Variants in SYT1 observed in about 807,000 individuals in gnomAD.
SYT1 encodes synaptotagmin 1.
SYT1 carries 8 observed loss-of-function variants against 44.8 expected under a neutral mutation model. That is an observed-to-expected ratio of 0.18 (90% confidence interval 0.10 to 0.32). The LOEUF (loss-of-function observed/expected upper bound fraction) is 0.32, where lower values mean the gene tolerates loss of function less well. Ranked by LOEUF, SYT1 falls within the 10% of genes least tolerant of loss-of-function variation. SYT1 has a pLI of 1.00. For missense variants in SYT1, 286 were observed against 509.3 expected (o/e 0.56, Z 4.22); for synonymous variants, 154 against 188.8 (o/e 0.82, Z 1.51).
chr12:78,926,407 G>T (rs969800360), intron 1 of SYT1, among the ~76,000 whole-genome samples: 3 of 152,000 alleles, frequency 2.0e-5, no homozygotes, highest in African/African-American at 7.2e-5. Flanking sequence ...CAGTAAATAT[G>T]TCAGAGAACA....
At position 79,352,562 on chromosome 12, in the gene SYT1, ACTCT is replaced by A. The variant is rs948499457; in HGVS notation, c.811-935_811-932del. On this transcript the variant is annotated intron_variant, in intron 8 of 10. Transcript: ENST00000261205. ...GCATACAACAAACTCTCTCTCTTGC[ACTCT>A]CTCTATCTCTATCTCATGCTTATAA... Among the ~76,000 whole-genome samples, 4 of 152,100 alleles carry A rather than the reference ACTCT, an allele frequency of 2.6e-5. No homozygotes were observed. The Middle Eastern group carries it at 0.01, about 388-fold the overall frequency.
intron 8 of SYT1, among the ~76,000 whole-genome samples, chr12:79,306,519 G>A (rs1880405639): frequency 6.6e-6 from 1 of 152,206 alleles, no homozygotes; most frequent in African/African-American, 2.4e-5. Flanking sequence ...GTTCTTGTGA[G>A]TTTTATATTC....
intron 9 of SYT1, among the ~76,000 whole-genome samples, chr12:79,399,940 C>A (rs1377958853): frequency 2.6e-5 from 4 of 152,164 alleles, no homozygotes; most frequent in Non-Finnish European, 5.9e-5. Flanking sequence ...AGTACAATAT[C>A]ATTTAAGAGA....
At chr12:78,902,854 T>C (rs931186779) in intron 1 of SYT1, among the ~76,000 whole-genome samples, 1 of 152,166 alleles carries the variant, frequency 6.6e-6, no homozygotes, top group African/African-American at 2.4e-5. Context: ...TGAAAGACTC[T>C]GACACTATTA....
intron 4 of SYT1, among the ~76,000 whole-genome samples, chr12:79,219,880 G>C (rs911071980): frequency 6.6e-6 from 1 of 151,950 alleles, no homozygotes; most frequent in Non-Finnish European, 1.5e-5. Flanking sequence ...TTTTTATTTT[G>C]TGAAGAATGT....
At chr12:79,058,015 G>T (rs138738380) in intron 3 of SYT1, among the ~76,000 whole-genome samples, 1 of 151,888 alleles carries the variant, frequency 6.6e-6, no homozygotes, top group Non-Finnish European at 1.5e-5. Context: ...AAAGAAATGG[G>T]TTTGGACAAT....
At chr12:79,224,697 C>T (rs1205059202) in intron 4 of SYT1, among the ~76,000 whole-genome samples, 1 of 151,360 alleles carries the variant, frequency 6.6e-6, no homozygotes. Flanking sequence ...CAGAGGTGTC[C>T]CATGATCTGA....
chr12:79,409,597 T>C (rs1868343490), intron 9 of SYT1, among the ~76,000 whole-genome samples: 1 of 152,126 alleles, frequency 6.6e-6, no homozygotes, highest in African/African-American at 2.4e-5. Flanking sequence ...ACAGCCTTAT[T>C]AGAGAGTGGG....
chr12:79,001,277 CT>C (rs1326309898), intron 2 of SYT1, among the ~76,000 whole-genome samples: 1 of 150,372 alleles, frequency 6.7e-6, no homozygotes, highest in Non-Finnish European at 1.5e-5. Flanking sequence ...AAAAAAGCCC[CT>C]ATCCTTCTAA....
chr12:79,148,228 AC>A (rs1261891623), intron 3 of SYT1, among the ~76,000 whole-genome samples: 1 of 152,148 alleles, frequency 6.6e-6, no homozygotes, highest in African/African-American at 2.4e-5. Flanking sequence ...ATTCCGAAGA[AC>A]TTTTTTTTGA....
intron 3 of SYT1, among the ~76,000 whole-genome samples, chr12:79,200,093 GTAGAA>G (rs1420327390): frequency 4.6e-5 from 7 of 151,996 alleles, no homozygotes; most frequent in African/African-American, 1.7e-4. Flanking sequence ...TACTGAAATG[GTAGAA>G]TAGAAGAGAG....
At chr12:79,187,723 G>A (rs7350564) in intron 3 of SYT1, among the ~76,000 whole-genome samples, 106,063 of 151,906 alleles carry the variant, frequency 0.7, 37,432 homozygotes, top group African/African-American at 0.75. Context: ...TTTCCTGAGA[G>A]GGCAGAAAAG....
chr12:79,253,529 T>TCTC (rs1877351900), intron 4 of SYT1, among the ~76,000 whole-genome samples: 1 of 115,522 alleles, frequency 8.7e-6, no homozygotes, highest in Non-Finnish European at 1.9e-5. Context: ...CTCTCTCACC[T>TCTC]CAGAAAGCTT....
chr12:79,267,466 T>G (rs752773335), intron 4 of SYT1, among the ~76,000 whole-genome samples: 3 of 152,150 alleles, frequency 2.0e-5, no homozygotes, highest in Non-Finnish European at 4.4e-5. Context: ...AGCTGCCTAT[T>G]GTGAAGTCTT....
At chr12:79,313,796 A>G (rs1880931659) in intron 8 of SYT1, among the ~76,000 whole-genome samples, 2 of 152,144 alleles carry the variant, frequency 1.3e-5, no homozygotes, top group East Asian at 1.9e-4. Context: ...ACTCACCTCC[A>G]TGAGTTGTGA....
intron 3 of SYT1, among the ~76,000 whole-genome samples, chr12:79,169,668 T>C (rs561999380): frequency 6.6e-6 from 1 of 152,134 alleles, no homozygotes; most frequent in Non-Finnish European, 1.5e-5. Flanking sequence ...CCATATGCGC[T>C]TCTGAGAAGG....
intron 1 of SYT1, among the ~76,000 whole-genome samples, chr12:78,972,639 T>A (rs919171813): frequency 6.6e-6 from 1 of 151,862 alleles, no homozygotes; most frequent in Non-Finnish European, 1.5e-5. Context: ...GTCACATATG[T>A]TCATTAGGAG....
At chr12:79,433,548 A>G (rs1222560456) in intron 9 of SYT1, among the ~76,000 whole-genome samples, 2 of 152,126 alleles carry the variant, frequency 1.3e-5, no homozygotes, top group African/African-American at 4.8e-5. Flanking sequence ...GGCTTAACCT[A>G]TATCTCAAAA....
chr12:78,969,455 A>C (rs1350841332), intron 1 of SYT1, among the ~76,000 whole-genome samples: 1 of 152,158 alleles, frequency 6.6e-6, no homozygotes, highest in Non-Finnish European at 1.5e-5. Context: ...GCCCTGGGTA[A>C]AAACATATCT....
Sources: gnomAD v4.1 joint callset for allele counts (sites outside exome capture counted in the v4.1 genomes callset) on GRCh38, gnomAD v4.1.1 for gene constraint, MANE v1.5 for transcripts, NCBI Gene and HGNC (gene_info 2026-07-23, HGNC 2026-07-21) for gene names.